SYT9: variants seen among roughly 807,000 people sequenced by gnomAD.
SYT9 encodes synaptotagmin-9.
A neutral mutation model predicts 48.4 loss-of-function variants in SYT9; 22 were observed. The ratio of observed to expected loss-of-function variants is 0.45; its 90% CI spans 0.32 to 0.65. The LOEUF is 0.65. Among genes scored for constraint, SYT9 ranks in the 30% least tolerant of loss-of-function variants. SYT9 has a pLI of 0.03. For synonymous variants in SYT9, 265 were observed against 245.0 expected (o/e 1.08, Z -0.76); for missense variants, 577 against 622.0 (o/e 0.93, Z 0.77).
rs368595641 is a variant in SYT9, at chr11:7,329,867, G to A, written c.1044+15926G>A. Among the ~76,000 whole-genome samples the A allele has an allele frequency of 3.6e-4, 55 of 152,258 alleles. 1 individual carries two copies. The South Asian group carries it at 0.011, about 31-fold the overall frequency. ...TTAGTCACACTGGGTCCACAAAAGG[G>A]AGGACAGGGAAGAAAGCTGAGAAAG... On this transcript the variant is annotated intron_variant, in intron 3 of 6. Coordinates refer to ENST00000318881, the MANE Select transcript of SYT9 (RefSeq NM_175733.4).
intron 6 of SYT9, among the ~76,000 whole-genome samples, chr11:7,445,640 CCT>C (rs1175935779): frequency 2.6e-5 from 4 of 152,206 alleles, no homozygotes; most frequent in Non-Finnish European, 5.9e-5. Flanking sequence ...TATAGTCATG[CCT>C]CAAGTTTCTG....
At chr11:7,382,706 C>T (rs1850588539) in intron 3 of SYT9, among the ~76,000 whole-genome samples, 1 of 152,170 alleles carries the variant, frequency 6.6e-6, no homozygotes, top group Non-Finnish European at 1.5e-5. Context: ...GAGCTTTGCA[C>T]ATAATGTGAT....
Position 7,260,077 on chromosome 11 carries a change from T to A in SYT9, c.145+7746T>A, listed in dbSNP as rs542957941. Reference sequence around the variant, plus strand: ...CCACGTTGAATTGATCAATCTTTTCTAGTTATAATTAAGTTAAATTCCAAA... The same window carrying A: ...CCACGTTGAATTGATCAATCTTTTCAAGTTATAATTAAGTTAAATTCCAAA... On this transcript the variant is annotated intron_variant, in intron 1 of 6. Coordinates refer to ENST00000318881, the MANE Select transcript of SYT9 (RefSeq NM_175733.4). Among the ~76,000 whole-genome samples, 10 of 152,304 alleles carry A rather than the reference T, an allele frequency of 6.6e-5. No individual in the cohort carries two copies. The East Asian group carries it at 7.7e-4, about 12-fold the overall frequency.
intron 3 of SYT9, among the ~76,000 whole-genome samples, chr11:7,328,986 A>G (rs1480401758): frequency 6.6e-6 from 1 of 152,082 alleles, no homozygotes; most frequent in African/African-American, 2.4e-5. Context: ...ATACTTCGAG[A>G]CTTCTCTGAA....
At chr11:7,322,793 T>A (rs1849360323) in intron 3 of SYT9, among the ~76,000 whole-genome samples, 1 of 152,166 alleles carries the variant, frequency 6.6e-6, no homozygotes, top group South Asian at 2.1e-4. Context: ...AAGCTTCCTA[T>A]GTGCCGCTCC....
intron 6 of SYT9, among the ~76,000 whole-genome samples, chr11:7,443,370 C>G (rs1054437079): frequency 6.6e-6 from 1 of 152,208 alleles, no homozygotes; most frequent in Non-Finnish European, 1.5e-5. Context: ...GTACTGTATT[C>G]TGTCTTAGTC....
chr11:7,451,022 C>A (rs571563758), intron 6 of SYT9, among the ~76,000 whole-genome samples: 3 of 152,290 alleles, frequency 2.0e-5, no homozygotes, highest in South Asian at 2.1e-4. Flanking sequence ...TAAGAAAATT[C>A]TTTTGTTTCC....
chr11:7,378,143 A>G (rs1850491267), intron 3 of SYT9, among the ~76,000 whole-genome samples: 2 of 151,394 alleles, frequency 1.3e-5, no homozygotes, highest in African/African-American at 4.8e-5. Context: ...TTACCAGCAG[A>G]GAAGTGAGCA....
Position 7,313,450 on chromosome 11 carries a change from C to T in SYT9, c.553C>T (p.Gln185Ter). The change falls in exon 3 of 7, where the codon CAG becomes TAG. Residue 185 changes from glutamine to a stop codon, truncating the protein, a stop_gained. Transcript: ENST00000318881. LOFTEE classifies it high-confidence loss of function. The stretch of plus-strand genomic sequence containing the variant: ...GTCAAACCCGGACTTCAATATCCAG[C>T]AGCTTCAAAAACAGGAACAGTTGAC... ...NLSNPDFNIQ[Q>*]LQKQEQLTGI... 1 of 1,613,886 alleles carries T rather than the reference C, an allele frequency of 6.2e-7. No individual in the cohort carries two copies. Among genetic ancestry groups the T allele is most frequent in the Non-Finnish European group, 8.5e-7 (1 of 1,179,930 alleles).
At chr11:7,331,677 A>G (rs1408082318) in intron 3 of SYT9, among the ~76,000 whole-genome samples, 1 of 152,136 alleles carries the variant, frequency 6.6e-6, no homozygotes, top group East Asian at 1.9e-4. Context: ...ATGAACCATG[A>G]TTGTGCCACT....
intron 3 of SYT9, among the ~76,000 whole-genome samples, chr11:7,363,471 G>A (rs1850184130): frequency 6.6e-6 from 1 of 152,160 alleles, no homozygotes; most frequent in Non-Finnish European, 1.5e-5. Flanking sequence ...TGAATGTAAG[G>A]TGTCTGTACA....
rs1387754445 is a variant in SYT9 at position 7,313,499 on chromosome 11, A to T, written c.602A>T (p.Glu201Val). The T allele has an allele frequency of 6.2e-7, 1 of 1,614,170 alleles. No individual in the cohort carries two copies. The highest frequency in any genetic ancestry group is 8.5e-7 in the Non-Finnish European group (1 of 1,180,008). The change falls in exon 3 of 7, where the codon GAG becomes GTG. Residue 201 changes from glutamate to valine, a missense_variant. Glu to Val is a moderately radical substitution (Grantham distance 121). Coordinates refer to ENST00000318881, the MANE Select transcript of SYT9 (RefSeq NM_175733.4). ...ACTGGAATTGGTAGAATTAAACCAG[A>T]GTTATATAAGCAGAGGTCATTGGAT... ...QLTGIGRIKP[E>V]LYKQRSLDND... is the part of the protein sequence containing the mutation.
chr11:7,429,667 C>T lies in SYT9; in HGVS notation c.1467+9032C>T, dbSNP rs146769468. ...GGTGTTCTTTGGGAGTGAAGAGAACCATTCCCAAAGCTGTCGCGAGATCAG... is the reference window on the plus strand; with the variant it reads ...GGTGTTCTTTGGGAGTGAAGAGAACTATTCCCAAAGCTGTCGCGAGATCAG... On this transcript the variant is annotated intron_variant, in intron 6 of 6. Transcript: ENST00000318881. Among the ~76,000 whole-genome samples the T allele has an allele frequency of 5.7e-3, 865 of 152,256 alleles. 8 individuals carry two copies. Among genetic ancestry groups the T allele is most frequent in the Middle Eastern group, 0.031 (9 of 294 alleles).
At chr11:7,394,305 A>C (rs1036878255) in intron 3 of SYT9, among the ~76,000 whole-genome samples, 1 of 152,028 alleles carries the variant, frequency 6.6e-6, no homozygotes, top group East Asian at 1.9e-4. Flanking sequence ...CATTTTTTAT[A>C]GGTGCATAGT....
At chr11:7,254,336 G>A (rs1165637036) in intron 1 of SYT9, among the ~76,000 whole-genome samples, 1 of 152,158 alleles carries the variant, frequency 6.6e-6, no homozygotes, top group Non-Finnish European at 1.5e-5. Context: ...GTTTTCGAGT[G>A]CAAGGTGAGA....
intron 3 of SYT9, among the ~76,000 whole-genome samples, chr11:7,385,240 C>A (rs1321314558): frequency 6.6e-6 from 1 of 152,000 alleles, no homozygotes; most frequent in Non-Finnish European, 1.5e-5. Context: ...GACAGATTCC[C>A]AGAACCCAGA....
chr11:7,367,073 T>TG, intron 3 of SYT9, among the ~76,000 whole-genome samples: 1 of 27,508 alleles, frequency 3.6e-5, no homozygotes, highest in South Asian at 1.3e-3. Context: ...GGAGACCATC[T>TG]TTTTTTTTTT....
chr11:7,365,555 C>G (rs942272974), intron 3 of SYT9, among the ~76,000 whole-genome samples: 1 of 152,080 alleles, frequency 6.6e-6, no homozygotes, highest in Non-Finnish European at 1.5e-5. Context: ...TTGCTCACCA[C>G]GAAGCCTAAC....
intron 3 of SYT9, among the ~76,000 whole-genome samples, chr11:7,392,201 T>C (rs539643627): frequency 6.6e-6 from 1 of 152,154 alleles, no homozygotes; most frequent in African/African-American, 2.4e-5. Context: ...TCCACAATGG[T>C]ATTTCCTAAG....
Sources: gnomAD v4.1 joint callset for allele counts (sites outside exome capture counted in the v4.1 genomes callset) on GRCh38, gnomAD v4.1.1 for gene constraint, MANE v1.5 for transcripts, NCBI Gene and HGNC (gene_info 2026-07-23, HGNC 2026-07-21) for gene names.